Variants in ANKS1A observed in about 807,000 individuals in gnomAD.
ANKS1A encodes ankyrin repeat and sterile alpha motif domain containing 1A.
A neutral mutation model predicts 120.3 loss-of-function variants in ANKS1A; 55 were observed. The observed-to-expected ratio is 0.46, with a 90% confidence interval of 0.37 to 0.57. The LOEUF (loss-of-function observed/expected upper bound fraction) is 0.57. ANKS1A is among the 20% of genes least tolerant of loss of function. The pLI is 0.00. For missense variants in ANKS1A, 1,123 were observed against 1,480.3 expected, an observed-to-expected ratio of 0.76 and a Z score of 3.96; for synonymous variants, 590 against 604.7, an observed-to-expected ratio of 0.98 and a Z score of 0.36.
rs1772578426 is a variant in ANKS1A, at chr6:34,991,757, TATATATATACACATATATATAC to T, written c.1302+2443_1302+2464del. The stretch of plus-strand genomic sequence containing the variant: ...ACATATATATACATATATACACACA[TATATATATACACATATATATAC>T]ACACATATATATATACATATATATA... On this transcript the variant is annotated intron_variant, in intron 9 of 23. Coordinates refer to ENST00000360359, the MANE Select transcript of ANKS1A (RefSeq NM_015245.3). Among the ~76,000 whole-genome samples, 4 of 28,030 alleles carry T rather than the reference TATATATATACACATATATATAC, an allele frequency of 1.4e-4. No homozygotes were observed. The Admixed American group carries it at 1.7e-3, about 12-fold the overall frequency. The allele number at this position is 28,030 out of a possible 152,430, so 18.4% of individuals were successfully genotyped here. A position where few individuals can be genotyped will look rare whatever the true frequency, so the allele number is the denominator to read the frequency against.
At position 35,088,634 on chromosome 6, in the gene ANKS1A, G is replaced by T. The variant is rs565168238; in HGVS notation, c.*25G>T. ...AGCCACTGAGGAACCACACTGTGCT[G>T]CGGAAACATAGACGTGGGGGCATAG... On this transcript the variant is annotated 3_prime_UTR_variant, in exon 24 of 24. Coordinates refer to ENST00000360359, the MANE Select transcript of ANKS1A (RefSeq NM_015245.3). 2 of 1,614,178 alleles carry T rather than the reference G, an allele frequency of 1.2e-6. No individual in the cohort carries two copies. The highest frequency in any genetic ancestry group is 2.2e-5 in the East Asian group (1 of 44,874).
intron 10 of ANKS1A, among the ~76,000 whole-genome samples, chr6:35,004,386 G>C (rs566793224): frequency 4.6e-4 from 70 of 152,206 alleles, no homozygotes; most frequent in African/African-American, 1.6e-3. Flanking sequence ...ACTTTGGGAG[G>C]CCAAGGCGGG....
chr6:35,037,032 G>A (rs926923557), intron 11 of ANKS1A, among the ~76,000 whole-genome samples: 2 of 152,238 alleles, frequency 1.3e-5, no homozygotes, highest in Admixed American at 6.5e-5. Context: ...TGAGCACACA[G>A]TTATGAACAC....
chr6:35,075,608 G>T (rs1167677839), intron 13 of ANKS1A, among the ~76,000 whole-genome samples: 1 of 151,982 alleles, frequency 6.6e-6, no homozygotes, highest in Non-Finnish European at 1.5e-5. Context: ...TAGAGACGGG[G>T]TTTCACCGTG....
chr6:34,967,125 G>T, intron 1 of ANKS1A, 114 bp from the exon 2 acceptor site: 1 of 928,460 alleles, frequency 1.1e-6, no homozygotes, highest in Non-Finnish European at 1.7e-6. Context: ...GGAAGTAACT[G>T]GTCTGGTTGA....
At chr6:35,054,259 G>C in intron 12 of ANKS1A, 94 bp downstream of exon 12, 1 of 1,221,318 alleles carries the variant, frequency 8.2e-7, no homozygotes, top group Non-Finnish European at 1.2e-6. Flanking sequence ...CAGACATTCA[G>C]TGGGTGGGAG....
At chr6:34,951,993 A>G (rs1004185117) in intron 1 of ANKS1A, among the ~76,000 whole-genome samples, 7 of 152,192 alleles carry the variant, frequency 4.6e-5, no homozygotes, top group East Asian at 1.9e-4. Context: ...ATGAAAGAAT[A>G]TGAGCTGTGG....
chr6:34,938,727 C>T (rs958912276), intron 1 of ANKS1A, among the ~76,000 whole-genome samples: 1 of 152,192 alleles, frequency 6.6e-6, no homozygotes, highest in African/African-American at 2.4e-5. Flanking sequence ...TGGTGGCTCA[C>T]GCCTGTAATC....
intron 1 of ANKS1A, among the ~76,000 whole-genome samples, chr6:34,915,010 T>C (rs1768086708): frequency 6.6e-6 from 1 of 152,212 alleles, no homozygotes; most frequent in Admixed American, 6.5e-5. Flanking sequence ...ATTTAATGTA[T>C]CTGATTTCTT....
chr6:35,000,538 A>G (rs1352706432), intron 10 of ANKS1A, among the ~76,000 whole-genome samples: 2 of 152,104 alleles, frequency 1.3e-5, no homozygotes, highest in African/African-American at 4.8e-5. Context: ...AGAGTGTTAT[A>G]TAGTAAATTC....
chr6:34,898,800 A>G (rs1465514153), intron 1 of ANKS1A, among the ~76,000 whole-genome samples: 1 of 152,130 alleles, frequency 6.6e-6, no homozygotes, highest in Non-Finnish European at 1.5e-5. Context: ...TTGTGAAAAC[A>G]CTTTCCTATA....
intron 1 of ANKS1A, among the ~76,000 whole-genome samples, chr6:34,941,388 GT>G (rs568867182): frequency 2.0e-5 from 3 of 150,738 alleles, no homozygotes; most frequent in South Asian, 4.2e-4. Context: ...GGCTTTTTCC[GT>G]TTTTTTTCCT....
intron 11 of ANKS1A, among the ~76,000 whole-genome samples, chr6:35,042,597 G>A (rs1471815038): frequency 6.6e-6 from 1 of 152,204 alleles, no homozygotes; most frequent in Admixed American, 6.5e-5. Context: ...GAGCAGGTTT[G>A]CATCAGTGTG....
intron 13 of ANKS1A, among the ~76,000 whole-genome samples, chr6:35,061,783 C>T (rs1166442436): frequency 6.6e-6 from 1 of 152,168 alleles, no homozygotes; most frequent in Non-Finnish European, 1.5e-5. Flanking sequence ...CCACGTTCCT[C>T]GGGGAAGGAT....
At chr6:34,954,948 A>G (rs1243433145) in intron 1 of ANKS1A, among the ~76,000 whole-genome samples, 1 of 152,034 alleles carries the variant, frequency 6.6e-6, no homozygotes, top group Non-Finnish European at 1.5e-5. Context: ...CTCTCTGTCC[A>G]CTGCCTCCCC....
At chr6:34,972,176 AC>A (rs1561880709) in intron 3 of ANKS1A, among the ~76,000 whole-genome samples, 1 of 152,084 alleles carries the variant, frequency 6.6e-6, no homozygotes, top group Admixed American at 6.5e-5. Context: ...TTTTTGAGCT[AC>A]TTGAGTGTGC....
chr6:35,077,345 G>C (rs917074244), intron 13 of ANKS1A, among the ~76,000 whole-genome samples: 1 of 152,246 alleles, frequency 6.6e-6, no homozygotes, highest in Non-Finnish European at 1.5e-5. Context: ...TCCTAACCTA[G>C]ATGATGCTGC....
chr6:34,898,701 C>T (rs969279101), intron 1 of ANKS1A, among the ~76,000 whole-genome samples: 5 of 151,920 alleles, frequency 3.3e-5, no homozygotes, highest in African/African-American at 1.2e-4. Context: ...TTTTGGTGTA[C>T]AATCTTGTTT....
chr6:34,929,389 C>A (rs1456712203), intron 1 of ANKS1A, among the ~76,000 whole-genome samples: 1 of 152,132 alleles, frequency 6.6e-6, no homozygotes, highest in African/African-American at 2.4e-5. Context: ...CCCTGTTTAG[C>A]AGTATCTGCC....
Sources: gnomAD v4.1 joint callset for allele counts (sites outside exome capture counted in the v4.1 genomes callset) on GRCh38, gnomAD v4.1.1 for gene constraint, MANE v1.5 for transcripts, NCBI Gene and HGNC (gene_info 2026-07-23, HGNC 2026-07-21) for gene names.